The following AFF1 variants were observed in gnomAD, a reference collection of about 807,000 sequenced individuals.
AFF1 encodes the protein AF4/FMR2 family member 1.
AFF1 carries 48 observed loss-of-function variants against 121.7 expected under a neutral mutation model. The ratio of observed to expected loss-of-function variants is 0.39; its 90% CI spans 0.31 to 0.50. The LOEUF is 0.50. Among genes scored for constraint, AFF1 ranks in the 20% least tolerant of loss-of-function variants. The pLI is 0.76. For missense variants in AFF1, 1,523 were observed against 1,511.7 expected, an observed-to-expected ratio of 1.01 and a Z score of -0.12; for synonymous variants, 613 against 563.0, an observed-to-expected ratio of 1.09 and a Z score of -1.26.
At chr4:87,014,280 ATCTC>A (rs753832118) in intron 2 of AFF1, among the ~76,000 whole-genome samples, 23 of 152,146 alleles carry the variant, frequency 1.5e-4, no homozygotes, top group African/African-American at 4.1e-4. Flanking sequence ...ACTGCTAAGT[ATCTC>A]TCTCTCTACC....
intron 2 of AFF1, among the ~76,000 whole-genome samples, chr4:86,981,167 C>A (rs905214777): frequency 6.6e-6 from 1 of 151,994 alleles, no homozygotes; most frequent in Admixed American, 6.6e-5. Context: ...TGCCCACCAC[C>A]AAGCACGGCT....
chr4:86,969,577 T>TAAAAA (rs5860046), intron 2 of AFF1, among the ~76,000 whole-genome samples: 11 of 145,698 alleles, frequency 7.5e-5, no homozygotes, highest in Non-Finnish European at 1.1e-4. Flanking sequence ...AAATAGTTGT[T>TAAAAA]AAAAAAAAAA....
chr4:87,024,863 G>A (rs1728371079), intron 2 of AFF1, among the ~76,000 whole-genome samples: 1 of 152,174 alleles, frequency 6.6e-6, no homozygotes, highest in East Asian at 1.9e-4. Flanking sequence ...CAAAGTGTTG[G>A]GATCACAGGC....
At chr4:86,998,698 T>C (rs1395817000) in intron 2 of AFF1, among the ~76,000 whole-genome samples, 4 of 152,210 alleles carry the variant, frequency 2.6e-5, no homozygotes, top group Non-Finnish European at 5.9e-5. Flanking sequence ...TCTGATACTA[T>C]GAATGTCTTC....
At chr4:86,951,620 T>C (rs1050393252) in intron 2 of AFF1, among the ~76,000 whole-genome samples, 2 of 32,658 alleles carry the variant, frequency 6.1e-5, no homozygotes, top group Non-Finnish European at 2.2e-4. Context: ...TTTTTCTTTT[T>C]TTCTTTTTTT....
intron 2 of AFF1, among the ~76,000 whole-genome samples, chr4:87,025,199 T>A (rs1450976289): frequency 6.6e-6 from 1 of 152,238 alleles, no homozygotes; most frequent in Non-Finnish European, 1.5e-5. Flanking sequence ...CCTGTGCTCC[T>A]TTGCCAGCAC....
intron 2 of AFF1, among the ~76,000 whole-genome samples, chr4:86,999,065 C>G (rs1374964510): frequency 1.3e-5 from 2 of 152,220 alleles, no homozygotes; most frequent in African/African-American, 4.8e-5. Flanking sequence ...GTCTCTTTCT[C>G]TTCCCTGTTT....
chr4:87,052,299 G>C (rs544643111), intron 4 of AFF1, among the ~76,000 whole-genome samples: 1 of 152,272 alleles, frequency 6.6e-6, no homozygotes, highest in African/African-American at 2.4e-5. Flanking sequence ...AGTAGTTCCA[G>C]CTACTCAGGA....
At chr4:87,006,317 C>CT (rs1255132917) in intron 2 of AFF1, among the ~76,000 whole-genome samples, 2 of 152,148 alleles carry the variant, frequency 1.3e-5, no homozygotes, top group Non-Finnish European at 2.9e-5. Flanking sequence ...TATTTTCCTG[C>CT]TTTTGAGGCA....
chr4:87,084,665 A>G (rs1043841741), intron 5 of AFF1, among the ~76,000 whole-genome samples: 4 of 152,224 alleles, frequency 2.6e-5, no homozygotes, highest in African/African-American at 7.2e-5. Context: ...ACTCATCTCC[A>G]AAGGCAAAAA....
intron 7 of AFF1, 35 bp from the exon 8 acceptor site, chr4:87,094,880 T>G: frequency 6.2e-7 from 1 of 1,603,222 alleles, no homozygotes; most frequent in Non-Finnish European, 8.5e-7. Context: ...TAAATATGTG[T>G]CATTGTGCTG....
In AFF1 at chr4:86,983,915, T is replaced by TAGTC. The variant is rs570333295; in HGVS notation, c.38+35345_38+35348dup. 3.5e-3 allele frequency among the ~76,000 whole-genome samples: 536 copies of TAGTC among 151,494 alleles called. 7 individuals are homozygous for TAGTC. The highest frequency in any genetic ancestry group is 0.012 in the African/African-American group (515 of 41,282). ...AGCCAGGCGTGATGGTGGGTGCCTA[T>TAGTC]AGTCCCAGCTACTCGGGAGGCTGAG... is the stretch of plus-strand genomic sequence containing the variant. On this transcript the variant is annotated intron_variant, in intron 2 of 20. Transcript: ENST00000395146.
intron 4 of AFF1, among the ~76,000 whole-genome samples, chr4:87,064,829 C>T (rs1053823600): frequency 1.3e-5 from 2 of 148,592 alleles, no homozygotes; most frequent in African/African-American, 5.0e-5. Flanking sequence ...GTCGAGATCG[C>T]GTCATTGCAC....
chr4:87,030,134 TAA>T (rs60463283), intron 2 of AFF1, among the ~76,000 whole-genome samples: 33 of 146,124 alleles, frequency 2.3e-4, no homozygotes, highest in African/African-American at 7.6e-4. Flanking sequence ...TAAATGAACT[TAA>T]AAAAAAAAAA....
intron 1 of AFF1, among the ~76,000 whole-genome samples, chr4:86,947,815 G>GTT (rs1434210863): frequency 2.6e-4 from 15 of 58,234 alleles, no homozygotes; most frequent in Admixed American, 7.6e-4. Flanking sequence ...TTCGGTTTTT[G>GTT]TTTGTTTTTT....
At position 87,087,318 on chromosome 4, in the gene AFF1, T is replaced by G. The variant is rs893174524; in HGVS notation, c.1105-2666T>G. Among the ~76,000 whole-genome samples the G allele has an allele frequency of 2.6e-5, 4 of 152,230 alleles. No individual in the cohort carries two copies. In the South Asian group the frequency reaches 6.2e-4, roughly 24 times the overall value. ...AGTAGGGAAGAGAAATACATAGTGT[T>G]GGGTGTTGATGGTGCTGTGAATAAT... On this transcript the variant is annotated intron_variant, in intron 5 of 20. Transcript: ENST00000395146.
Position 87,027,784 on chromosome 4 carries a change from GTTTT to G in AFF1, c.39-18361_39-18358del, listed in dbSNP as rs35903702. ...AACTTTTTGTTGTTGTTGCTGTTGG[GTTTT>G]TTTTTTTTTTTTTTTTTTTTGAGGT... On this transcript the variant is annotated intron_variant, in intron 2 of 20. Coordinates refer to ENST00000395146, the MANE Select transcript of AFF1 (RefSeq NM_001166693.3). Among the ~76,000 whole-genome samples, 438 of 90,568 alleles carry G rather than the reference GTTTT, an allele frequency of 4.8e-3. 1 individual carries two copies. The highest frequency in any genetic ancestry group is 0.018 in the African/African-American group (403 of 22,544). 59.4% of individuals were successfully genotyped at this position (90,568 alleles called of 152,430 possible). A position where few individuals can be genotyped will look rare whatever the true frequency, so the allele number is the denominator to read the frequency against.
chr4:87,097,475 A>C (rs1724988739), intron 8 of AFF1, among the ~76,000 whole-genome samples: 1 of 152,230 alleles, frequency 6.6e-6, no homozygotes, highest in Admixed American at 6.5e-5. Flanking sequence ...GCAGTGTTAA[A>C]CCACTCAAAT....
intron 4 of AFF1, among the ~76,000 whole-genome samples, chr4:87,059,023 G>T (rs756843873): frequency 2.0e-5 from 3 of 152,034 alleles, no homozygotes; most frequent in Non-Finnish European, 4.4e-5. Context: ...CTTTTTGTAC[G>T]TGCCTTAATC....
Sources: gnomAD v4.1 joint callset for allele counts (sites outside exome capture counted in the v4.1 genomes callset) on GRCh38, gnomAD v4.1.1 for gene constraint, MANE v1.5 for transcripts, NCBI Gene and HGNC (gene_info 2026-07-23, HGNC 2026-07-21) for gene names.